The following CNTN5 variants were observed in gnomAD, a reference collection of about 807,000 sequenced individuals.
CNTN5 encodes the protein contactin-5.
Under a neutral mutation model 129.1 loss-of-function variants are expected in CNTN5, and 77 were observed. The observed-to-expected ratio is 0.60, with a 90% confidence interval of 0.50 to 0.72. The LOEUF (loss-of-function observed/expected upper bound fraction) is 0.72, where lower values mean the gene tolerates loss of function less well. CNTN5 is among the 30% of genes least tolerant of loss of function. CNTN5 has a pLI of 0.00. For missense variants in CNTN5, 1,478 were observed against 1,328.8 expected (o/e 1.11, Z -1.75); for synonymous variants, 509 against 465.6 (o/e 1.09, Z -1.20).
intron 16 of CNTN5, among the ~76,000 whole-genome samples, chr11:100,228,847 G>T (rs997653271): frequency 6.6e-6 from 1 of 152,166 alleles, no homozygotes; most frequent in Non-Finnish European, 1.5e-5. Context: ...TGTCACAGAG[G>T]AAATAGTGAG....
chr11:99,968,241 G>A (rs1951148944), intron 8 of CNTN5, among the ~76,000 whole-genome samples: 2 of 152,134 alleles, frequency 1.3e-5, no homozygotes, highest in African/African-American at 4.8e-5. Context: ...GAAATAGATT[G>A]AGAATGCGTG....
intron 15 of CNTN5, among the ~76,000 whole-genome samples, chr11:100,213,452 A>G (rs1949075854): frequency 6.6e-6 from 1 of 152,126 alleles, no homozygotes; most frequent in Non-Finnish European, 1.5e-5. Flanking sequence ...GGTCTCGATG[A>G]TTTTTCAGTA....
rs151017716 is a variant in CNTN5 at position 99,301,329 on chromosome 11, G to C, written c.-209-24017G>C. 1.6e-3 allele frequency among the ~76,000 whole-genome samples: 243 copies of C among 151,116 alleles called. 1 individual carries two copies. The highest frequency in any genetic ancestry group is 5.7e-3 in the African/African-American group (235 of 41,230). On this transcript the variant is annotated intron_variant, in intron 1 of 24. Coordinates refer to ENST00000524871, the MANE Select transcript of CNTN5 (RefSeq NM_014361.4). ...AACTGAAAAAAAAAGATTAAAAAAA[G>C]GTCCAAGATTTACAAGAGAGATACA...
At chr11:99,297,913 T>G (rs2135937392) in intron 1 of CNTN5, among the ~76,000 whole-genome samples, 1 of 152,324 alleles carries the variant, frequency 6.6e-6, no homozygotes, top group East Asian at 1.9e-4. Flanking sequence ...GCCAGTTCAT[T>G]CCTGTATCAA....
At chr11:99,542,762 G>C (rs1311844197) in intron 2 of CNTN5, among the ~76,000 whole-genome samples, 1 of 152,206 alleles carries the variant, frequency 6.6e-6, no homozygotes, top group Non-Finnish European at 1.5e-5. Context: ...TCATTAGGCA[G>C]AAATGGACAG....
intron 9 of CNTN5, among the ~76,000 whole-genome samples, chr11:100,011,482 C>G (rs1313225848): frequency 6.6e-6 from 1 of 152,066 alleles, no homozygotes; most frequent in Non-Finnish European, 1.5e-5. Flanking sequence ...TCTTATCTTG[C>G]TCTTGCAGCC....
chr11:99,568,953 T>C (rs1949090764), intron 3 of CNTN5, among the ~76,000 whole-genome samples: 1 of 152,206 alleles, frequency 6.6e-6, no homozygotes, highest in Non-Finnish European at 1.5e-5. Flanking sequence ...ATTTTCGTTA[T>C]AGCTTTCACA....
At chr11:99,734,071 G>T (rs1195064702) in intron 3 of CNTN5, among the ~76,000 whole-genome samples, 1 of 152,090 alleles carries the variant, frequency 6.6e-6, no homozygotes, top group Non-Finnish European at 1.5e-5. Flanking sequence ...AGTATACATG[G>T]CCACTATCTT....
At chr11:100,328,548 T>A (rs1157461404) in intron 21 of CNTN5, among the ~76,000 whole-genome samples, 1 of 152,018 alleles carries the variant, frequency 6.6e-6, no homozygotes, top group Non-Finnish European at 1.5e-5. Context: ...ACATCTTACA[T>A]AGCCAGAGAA....
intron 7 of CNTN5, among the ~76,000 whole-genome samples, chr11:99,942,914 G>A (rs917946297): frequency 2.1e-4 from 32 of 152,112 alleles, no homozygotes; most frequent in African/African-American, 7.7e-4. Context: ...AATATGTGGT[G>A]TATATGTACC....
intron 2 of CNTN5, among the ~76,000 whole-genome samples, chr11:99,483,250 C>A (rs1945676504): frequency 6.7e-6 from 1 of 150,362 alleles, no homozygotes; most frequent in African/African-American, 2.4e-5. Flanking sequence ...GGAAGAGGGC[C>A]AAGCTGGCAA....
chr11:100,107,963 C>A (rs1591258951), intron 13 of CNTN5, among the ~76,000 whole-genome samples: 1 of 148,968 alleles, frequency 6.7e-6, no homozygotes. Context: ...TCAAATTTAC[C>A]TAAACAGAGA....
intron 16 of CNTN5, among the ~76,000 whole-genome samples, chr11:100,228,393 A>G (rs1384078325): frequency 1.3e-5 from 2 of 152,222 alleles, no homozygotes; most frequent in Admixed American, 6.5e-5. Flanking sequence ...ACTGCTTTCA[A>G]CCATCCACCT....
intron 3 of CNTN5, among the ~76,000 whole-genome samples, chr11:99,759,660 C>T (rs911664657): frequency 7.5e-5 from 10 of 133,450 alleles, no homozygotes; most frequent in East Asian, 5.3e-4. Context: ...GGGTGTTTGC[C>T]GGTAGTCAGA....
chr11:99,372,997 T>A (rs1333782107), intron 2 of CNTN5, among the ~76,000 whole-genome samples: 1 of 151,964 alleles, frequency 6.6e-6, no homozygotes, highest in Non-Finnish European at 1.5e-5. Flanking sequence ...TCACCTGAGG[T>A]CAGGAGTTTG....
At chr11:99,220,201 C>T (rs1860329831) in intron 1 of CNTN5, among the ~76,000 whole-genome samples, 1 of 151,972 alleles carries the variant, frequency 6.6e-6, no homozygotes, top group Admixed American at 6.6e-5. Context: ...TTATGAAAGT[C>T]TTCACAATTA....
intron 3 of CNTN5, among the ~76,000 whole-genome samples, chr11:99,715,559 C>T (rs1232594804): frequency 6.6e-6 from 1 of 151,782 alleles, no homozygotes; most frequent in Admixed American, 6.6e-5. Flanking sequence ...TGTTTTATGG[C>T]CTGTATAGTT....
intron 7 of CNTN5, among the ~76,000 whole-genome samples, chr11:99,937,960 A>G (rs2136101198): frequency 6.6e-6 from 1 of 152,314 alleles, no homozygotes; most frequent in South Asian, 2.1e-4. Flanking sequence ...AACAAAAGAA[A>G]CAAAACATTC....
At chr11:99,407,442 C>A (rs926092877) in intron 2 of CNTN5, among the ~76,000 whole-genome samples, 6 of 64,774 alleles carry the variant, frequency 9.3e-5, no homozygotes, top group Non-Finnish European at 1.3e-4. Flanking sequence ...AAGGCAAAGT[C>A]CTTCCACTCT....
Sources: allele counts gnomAD v4.1 joint callset (sites outside exome capture counted in the v4.1 genomes callset), GRCh38; gene constraint gnomAD v4.1.1; transcripts MANE v1.5; gene names NCBI Gene and HGNC (gene_info 2026-07-23, HGNC 2026-07-21).